Variants in ACAD9 observed in about 807,000 individuals in gnomAD.
The protein encoded by ACAD9 is acyl-CoA dehydrogenase family member 9, also known as complex I assembly factor ACAD9, mitochondrial.
In ACAD9, 53 loss-of-function variants were observed where a neutral mutation model predicts 70.2. That is an observed-to-expected ratio of 0.75 (90% CI 0.61 to 0.95). The LOEUF is 0.95. Ranked by LOEUF, ACAD9 falls within the 40% of genes least tolerant of loss-of-function variation. The pLI is 0.00. For synonymous variants in ACAD9, 313 were observed against 312.1 expected, an observed-to-expected ratio of 1.00 and a Z score of -0.03; for missense variants, 777 against 802.8, an observed-to-expected ratio of 0.97 and a Z score of 0.39.
rs541164562 is a variant in ACAD9, at chr3:128,912,792, C to T, written c.*185C>T. The T allele has an allele frequency of 1.4e-6, 1 of 736,852 alleles. No individual in the cohort carries two copies. The highest frequency in any genetic ancestry group is 2.5e-6 in the Non-Finnish European group (1 of 400,970). 45.6% of individuals were successfully genotyped at this position (736,852 alleles called of 1,614,324 possible). A position where few individuals can be genotyped will look rare whatever the true frequency, so the allele number is the denominator to read the frequency against. On this transcript the variant is annotated 3_prime_UTR_variant, in exon 18 of 18. Transcript: ENST00000308982. The stretch of plus-strand genomic sequence containing the variant: ...TCCAGGTTTTGACCTGCAGGCAGTG[C>T]TCTCTAACAGGACCATCACAGCTTC...
chr3:128,902,734 C>T lies in ACAD9; in HGVS notation c.958+106C>T, dbSNP rs925589508. On this transcript the variant is annotated intron_variant, in intron 9 of 17. Transcript: ENST00000308982. The surrounding 1 kb of genome is among the most constrained non-coding windows in gnomAD (Gnocchi z 4.0). ...CGGCCCCTTCCAGGCCAGTGCTGAA[C>T]CAGGCTACCAGCCTGAGCTCAGTCC... 1 of 1,259,014 alleles carries T rather than the reference C, an allele frequency of 7.9e-7. No homozygotes were observed. Among genetic ancestry groups the T allele is most frequent in the Non-Finnish European group, 1.1e-6 (1 of 880,140 alleles). The allele number at this position is 1,259,014 out of a possible 1,614,324, so 78.0% of individuals were successfully genotyped here.
chr3:128,889,852 T>G (rs1220944466), intron 2 of ACAD9, among the ~76,000 whole-genome samples: 2 of 152,136 alleles, frequency 1.3e-5, no homozygotes, highest in Non-Finnish European at 2.9e-5. Flanking sequence ...GACAGGGTCT[T>G]TCTTTGTTGC....
Position 128,912,650 on chromosome 3 carries a change from G to GTTAA in ACAD9, c.*43_*44insTTAA. 2 of 1,509,944 alleles carry GTTAA rather than the reference G, an allele frequency of 1.3e-6. No individual in the cohort carries two copies. The highest frequency in any genetic ancestry group is 9.2e-7 in the Non-Finnish European group (1 of 1,085,158). The allele number at this position is 1,509,944 out of a possible 1,614,324, so 93.5% of individuals were successfully genotyped here. A position where few individuals can be genotyped will look rare whatever the true frequency, so the allele number is the denominator to read the frequency against. On this transcript the variant is annotated 3_prime_UTR_variant, in exon 18 of 18. Coordinates refer to ENST00000308982, the MANE Select transcript of ACAD9 (RefSeq NM_014049.5). ...CCTGCTACCGCCCGCCCCTACCCAT[G>GTTAA]GCCCGTTGCTGGATGACTGTTACTC...
At chr3:128,910,437 G>C in intron 16 of ACAD9, 1 of 1,210,442 alleles carries the variant, frequency 8.3e-7, no homozygotes, top group African/African-American at 1.5e-5. Flanking sequence ...AGGGAGGCGG[G>C]TGCAGTCTCT....
chr3:128,890,441 GCCTGTAAT>G (rs1458964217), intron 2 of ACAD9, among the ~76,000 whole-genome samples: 2 of 152,062 alleles, frequency 1.3e-5, no homozygotes, highest in African/African-American at 4.8e-5. Context: ...AGTGGCTCAT[GCCTGTAAT>G]CCCAGCACTT....
chr3:128,899,780 A>T (rs1380098608), intron 7 of ACAD9, among the ~76,000 whole-genome samples: 2 of 152,166 alleles, frequency 1.3e-5, no homozygotes. Context: ...CTCAGCTTAC[A>T]GTCCCCAGCC....
chr3:128,894,779 C>T (rs1302738662), intron 3 of ACAD9, among the ~76,000 whole-genome samples: 2 of 152,118 alleles, frequency 1.3e-5, no homozygotes, highest in Non-Finnish European at 2.9e-5. Flanking sequence ...AAGCAATCCT[C>T]CCACCTCAGC....
At chr3:128,908,570 A>T in intron 13 of ACAD9, 1 of 561,952 alleles carries the variant, frequency 1.8e-6, no homozygotes, top group Non-Finnish European at 3.2e-6. Flanking sequence ...GTCCCTTTAA[A>T]GGTGCCAGGC....
At chr3:128,898,091 A>G (rs1935618327) in intron 6 of ACAD9, among the ~76,000 whole-genome samples, 1 of 152,146 alleles carries the variant, frequency 6.6e-6, no homozygotes, top group Non-Finnish European at 1.5e-5. Flanking sequence ...TCCTGACCTC[A>G]AGTGATCTGC....
intron 1 of ACAD9, among the ~76,000 whole-genome samples, chr3:128,882,558 G>A (rs1935125467): frequency 6.6e-6 from 1 of 152,178 alleles, no homozygotes; most frequent in Admixed American, 6.5e-5. Flanking sequence ...ATCTCAGATT[G>A]TGTAGGCCAG....
rs140895359 is a variant in ACAD9 at position 128,895,736 on chromosome 3, G to A, written c.453+320G>A. On this transcript the variant is annotated intron_variant, in intron 4 of 17. Transcript: ENST00000308982. Reference sequence around the variant, plus strand: ...TGGAAGTGGTCTCTCCTGAGCCTTCGTCCTTCAGCCTGAGCATGCCCCCAC... The same window carrying A: ...TGGAAGTGGTCTCTCCTGAGCCTTCATCCTTCAGCCTGAGCATGCCCCCAC... Among the ~76,000 whole-genome samples, 4 of 152,006 alleles carry A rather than the reference G, an allele frequency of 2.6e-5. No homozygotes were observed. In the East Asian group the frequency reaches 5.8e-4, roughly 22 times the overall value.
intron 6 of ACAD9, chr3:128,898,601 T>C (rs1043188585): frequency 3.1e-6 from 1 of 323,818 alleles, no homozygotes; most frequent in Non-Finnish European, 6.0e-6. Flanking sequence ...GTTTTCACCG[T>C]GTTGCCCAGG....
At chr3:128,907,000 T>G (rs1262479480) in intron 12 of ACAD9, among the ~76,000 whole-genome samples, 1 of 150,796 alleles carries the variant, frequency 6.6e-6, no homozygotes, top group Non-Finnish European at 1.5e-5. Context: ...ATGTGGAGAG[T>G]GAGTTGCAGG....
intron 11 of ACAD9, among the ~76,000 whole-genome samples, chr3:128,905,173 A>G (rs557365552): frequency 6.6e-6 from 1 of 152,220 alleles, no homozygotes; most frequent in South Asian, 2.1e-4. Flanking sequence ...AACAAAAAAC[A>G]TGTATGAGCC....
In ACAD9 at chr3:128,913,012, C is replaced by T. The variant is rs1174949727; in HGVS notation, c.*405C>T. 2.2e-6 allele frequency: 1 copy of T among 459,968 alleles called. No homozygotes were observed. The highest frequency in any genetic ancestry group is 2.3e-5 in the Admixed American group (1 of 42,724). 28.5% of individuals were successfully genotyped at this position (459,968 alleles called of 1,614,324 possible). A position where few individuals can be genotyped will look rare whatever the true frequency, so the allele number is the denominator to read the frequency against. ...CATTCTCTAAGAAACAGCTTGAAAG[C>T]TCTGTCTGGGTCATTCATTTAAACT... On this transcript the variant is annotated 3_prime_UTR_variant, in exon 18 of 18. Transcript: ENST00000308982.
intron 6 of ACAD9, among the ~76,000 whole-genome samples, 171 bp from the exon 7 acceptor site, chr3:128,899,116 G>A (rs1375422508): frequency 6.6e-6 from 1 of 152,130 alleles, no homozygotes; most frequent in Non-Finnish European, 1.5e-5. Context: ...GGGAAAGTGG[G>A]CTGAGCCCTG....
In ACAD9 at chr3:128,899,234, G is replaced by A. The variant is rs558288881; in HGVS notation, c.634-53G>A. 25 of 1,587,268 alleles carry A rather than the reference G, an allele frequency of 1.6e-5. 2 individuals are homozygous for A. The South Asian group carries it at 2.7e-4, about 17-fold the overall frequency. ...GCTTGATGGACAAAGACAGAGCTGA[G>A]GTGGGTCACATAGGGGTTTGGTTTT... On this transcript the variant is annotated intron_variant, in intron 6 of 17. Coordinates refer to ENST00000308982, the MANE Select transcript of ACAD9 (RefSeq NM_014049.5).
At chr3:128,900,295 T>G (rs1367924920) in intron 7 of ACAD9, among the ~76,000 whole-genome samples, 1 of 152,118 alleles carries the variant, frequency 6.6e-6, no homozygotes, top group Non-Finnish European at 1.5e-5. Flanking sequence ...TGGAGTGCAG[T>G]GGCACTATCT....
intron 2 of ACAD9, among the ~76,000 whole-genome samples, chr3:128,890,656 C>T (rs56349206): frequency 5.3e-5 from 8 of 151,796 alleles, no homozygotes; most frequent in African/African-American, 9.6e-5. Flanking sequence ...GAGCCAAGAT[C>T]GCACCACTGC....
Sources: allele counts gnomAD v4.1 joint callset (sites outside exome capture counted in the v4.1 genomes callset), GRCh38; gene constraint gnomAD v4.1.1; non-coding constraint Gnocchi (gnomAD v3.1); transcripts MANE v1.5; gene names NCBI Gene and HGNC (gene_info 2026-07-23, HGNC 2026-07-21).